DHTKD1: variants seen among roughly 807,000 people sequenced by gnomAD.
The protein encoded by DHTKD1 is dehydrogenase E1 and transketolase domain containing 1, also known as 2-oxoadipate dehydrogenase complex component E1.
A neutral mutation model predicts 101.8 loss-of-function variants in DHTKD1; 78 were observed. The observed-to-expected ratio is 0.77, with a 90% confidence interval of 0.64 to 0.93. The LOEUF is 0.93. Among genes scored for constraint, DHTKD1 ranks in the 40% least tolerant of loss-of-function variants. The pLI is 0.00. For missense variants in DHTKD1, 1,223 were observed against 1,161.7 expected (o/e 1.05, Z -0.77); for synonymous variants, 462 against 450.3 (o/e 1.03, Z -0.33).
rs1310441202 is a variant in DHTKD1, at chr10:12,107,071, G to A, written c.2047+675G>A. Among the ~76,000 whole-genome samples the A allele has an allele frequency of 6.6e-6, 1 of 150,928 alleles. No individual in the cohort carries two copies. Among genetic ancestry groups the A allele is most frequent in the Non-Finnish European group, 1.5e-5 (1 of 67,870 alleles). On this transcript the variant is annotated intron_variant, in intron 11 of 16. Coordinates refer to ENST00000263035, the MANE Select transcript of DHTKD1 (RefSeq NM_018706.7). This position sits in a 1 kb window ranked among gnomAD's most constrained non-coding sequence, Gnocchi z 4.1. ...GCGATCTCGGCTCACTGCAAGCTCC[G>A]CCTACTGGGTTTGCACGATTCTCCT... is the stretch of plus-strand genomic sequence containing the variant.
chr10:12,092,302 T>G (rs1275839277), intron 6 of DHTKD1, among the ~76,000 whole-genome samples: 1 of 151,898 alleles, frequency 6.6e-6, no homozygotes, highest in African/African-American at 2.4e-5. Flanking sequence ...GATTTTTAAA[T>G]CCAAAGAAAT....
rs1356819257 is a variant in DHTKD1, at chr10:12,095,824, AAAAAAAAAAG to A, written c.1358+1558_1358+1567del. 8.3e-3 allele frequency among the ~76,000 whole-genome samples: 1,178 copies of A among 141,506 alleles called. 41 individuals are homozygous for A. The highest frequency in any genetic ancestry group is 0.029 in the African/African-American group (1,089 of 37,152). The allele number at this position is 141,506 out of a possible 152,430, so 92.8% of individuals were successfully genotyped here. On this transcript the variant is annotated intron_variant, in intron 7 of 16. Transcript: ENST00000263035. ...CGAGACTCCGTCTCAAAAAAAAAAAAAAAAAAAAAGAAAAGAAAAGAAAAGAAAAAGAAAA... is the reference window on the plus strand; with the variant it reads ...CGAGACTCCGTCTCAAAAAAAAAAAAAAAAGAAAAGAAAAGAAAAAGAAAA...
chr10:12,085,585 G>A (rs963833914), intron 3 of DHTKD1, among the ~76,000 whole-genome samples: 20 of 152,010 alleles, frequency 1.3e-4, no homozygotes, highest in African/African-American at 4.8e-4. Flanking sequence ...ACTTACTTAA[G>A]ACCTTACTTC....
chr10:12,108,160 T>G (rs1017676911), intron 12 of DHTKD1, 145 bp downstream of exon 12: 7 of 585,936 alleles, frequency 1.2e-5, no homozygotes, highest in Non-Finnish European at 2.1e-5. Flanking sequence ...TCAATTTTCT[T>G]TGGAAACGTA....
chr10:12,106,908 C>A (rs143727069), intron 11 of DHTKD1, among the ~76,000 whole-genome samples: 1 of 152,076 alleles, frequency 6.6e-6, no homozygotes. Flanking sequence ...ACTGTTCTGT[C>A]GTGCCCACCA....
intron 1 of DHTKD1, among the ~76,000 whole-genome samples, chr10:12,076,722 G>C (rs931162252): frequency 6.6e-6 from 1 of 151,440 alleles, no homozygotes; most frequent in African/African-American, 2.4e-5. Flanking sequence ...GCGGTGACGC[G>C]ATCTCAGCTC....
chr10:12,079,075 G>A (rs1832775305), intron 1 of DHTKD1, among the ~76,000 whole-genome samples: 1 of 152,098 alleles, frequency 6.6e-6, no homozygotes, highest in South Asian at 2.1e-4. Context: ...CAGAGCTGGG[G>A]AGTACCAATA....
chr10:12,077,036 A>G (rs1286379723), intron 1 of DHTKD1, among the ~76,000 whole-genome samples: 1 of 148,966 alleles, frequency 6.7e-6, no homozygotes, highest in East Asian at 2.0e-4. Flanking sequence ...ACATAGGATT[A>G]TCACTTAAAT....
Position 12,069,205 on chromosome 10 carries a change from G to A in DHTKD1, c.154+18G>A, listed in dbSNP as rs1832612148. On this transcript the variant is annotated intron_variant, in intron 1 of 16. Coordinates refer to ENST00000263035, the MANE Select transcript of DHTKD1 (RefSeq NM_018706.7). ...CCCCCCAGGTCGGGGATGGGGCCCG[G>A]GCGGTGGGAGCGGGGGCTGGGACGC... 1 of 1,532,910 alleles carries A rather than the reference G, an allele frequency of 6.5e-7. No individual in the cohort carries two copies. 95.0% of individuals were successfully genotyped at this position (1,532,910 alleles called of 1,614,324 possible).
Position 12,094,272 on chromosome 10 carries a change from GT to G in DHTKD1, c.1358+2del. The G allele has an allele frequency of 6.2e-7, 1 of 1,613,608 alleles. No homozygotes were observed. ...ACCCCATCATGTACAAAATCATCAG[GT>G]ACAATTATAAACCCTTGTGTGATAT... is the stretch of plus-strand genomic sequence containing the variant. On this transcript the variant is annotated splice_donor_variant, in intron 7 of 16. Transcript: ENST00000263035. LOFTEE classifies it high-confidence loss of function.
At position 12,084,855 on chromosome 10, in the gene DHTKD1, A is replaced by T. The variant is rs1036806185; in HGVS notation, c.522+104A>T. ...CACCTGAGGTCAGGAGTTCAAGACC[A>T]GCCTGACCAACATGGAGAAACCCCA... On this transcript the variant is annotated intron_variant, in intron 3 of 16. Transcript: ENST00000263035. 95 of 923,832 alleles carry T rather than the reference A, an allele frequency of 1.0e-4. 1 individual carries two copies. The Admixed American group carries it at 2.1e-3, about 20-fold the overall frequency. The allele number at this position is 923,832 out of a possible 1,614,324, so 57.2% of individuals were successfully genotyped here.
Position 12,107,957 on chromosome 10 carries a change from A to G in DHTKD1, c.2096A>G (p.His699Arg), listed in dbSNP as rs773572824. The G allele has an allele frequency of 3.1e-6, 5 of 1,613,874 alleles. No homozygotes were observed. The highest frequency in any genetic ancestry group is 1.3e-5 in the African/African-American group (1 of 74,904). Residue 699 changes from histidine (H) to arginine (R), a missense_variant, in exon 12 of 17, where the codon CAT (histidine) becomes CGT (arginine). Coordinates refer to ENST00000263035, the MANE Select transcript of DHTKD1 (RefSeq NM_018706.7). This position sits in a 1 kb window ranked among gnomAD's most constrained non-coding sequence, Gnocchi z 4.1. ...LQSGIVILLP[H>R]GYDGAGPDHS... ...AGCGGCATCGTCATCCTCCTTCCAC[A>G]TGGCTACGATGGGGCTGGGCCAGAC...
chr10:12,069,137 C>A lies in DHTKD1; in HGVS notation c.104C>A (p.Pro35Gln), dbSNP rs753355529. Residue 35 changes from proline (P) to glutamine (Q), a missense_variant, in exon 1 of 17, where the codon CCG becomes CAG. Pro to Gln is a moderately conservative substitution (Grantham distance 76). Coordinates refer to ENST00000263035, the MANE Select transcript of DHTKD1 (RefSeq NM_018706.7). ...QTERGVYGYR[P>Q]RKPESREPQG... ...GAGCGGGGCGTTTACGGCTACCGGC[C>A]GAGGAAGCCCGAGAGCCGCGAGCCC... 1 of 1,581,580 alleles carries A rather than the reference C, an allele frequency of 6.3e-7. No homozygotes were observed. The highest frequency in any genetic ancestry group is 1.8e-5 in the Admixed American group (1 of 54,754).
At chr10:12,073,505 C>G (rs572167412) in intron 1 of DHTKD1, among the ~76,000 whole-genome samples, 10 of 152,122 alleles carry the variant, frequency 6.6e-5, no homozygotes, top group South Asian at 2.1e-4. Flanking sequence ...CACCACCATG[C>G]CTGGCTAATT....
chr10:12,119,351 C>CA (rs1445199475), intron 15 of DHTKD1, among the ~76,000 whole-genome samples: 10 of 150,414 alleles, frequency 6.6e-5, no homozygotes, highest in African/African-American at 2.4e-4. Context: ...CGCGGTGCCT[C>CA]ACGCCTGTAG....
chr10:12,090,527 G>A, intron 5 of DHTKD1, among the ~76,000 whole-genome samples: 1 of 150,246 alleles, frequency 6.7e-6, no homozygotes, highest in East Asian at 2.0e-4. Flanking sequence ...CTTTTGTCCA[G>A]GCAGGAGTGC....
chr10:12,085,731 C>G (rs371270366), intron 3 of DHTKD1, among the ~76,000 whole-genome samples: 1 of 151,912 alleles, frequency 6.6e-6, no homozygotes, highest in East Asian at 1.9e-4. Flanking sequence ...AAACAAAATA[C>G]AAAAAATTAG....
At chr10:12,119,483 G>T (rs946596591) in intron 15 of DHTKD1, among the ~76,000 whole-genome samples, 1 of 151,142 alleles carries the variant, frequency 6.6e-6, no homozygotes, top group Non-Finnish European at 1.5e-5. Context: ...GGGCGTGGTG[G>T]CGGGCGCCTG....
At chr10:12,086,423 G>C (rs1173850344) in intron 3 of DHTKD1, among the ~76,000 whole-genome samples, 1 of 151,284 alleles carries the variant, frequency 6.6e-6, no homozygotes, top group African/African-American at 2.4e-5. Context: ...GTTTCACTGT[G>C]TTAGTCAGGA....
Sources: allele counts gnomAD v4.1 joint callset (sites outside exome capture counted in the v4.1 genomes callset), GRCh38; gene constraint gnomAD v4.1.1; non-coding constraint Gnocchi (gnomAD v3.1); transcripts MANE v1.5; gene names NCBI Gene and HGNC (gene_info 2026-07-23, HGNC 2026-07-21).